RFX6: variants seen among roughly 807,000 people sequenced by gnomAD.
RFX6 encodes DNA-binding protein RFX6.
Under a neutral mutation model 110.8 loss-of-function variants are expected in RFX6, and 50 were observed. The ratio of observed to expected loss-of-function variants is 0.45; its 90% CI spans 0.36 to 0.57. The LOEUF (loss-of-function observed/expected upper bound fraction) is 0.57. Ranked by LOEUF, RFX6 falls within the 20% of genes least tolerant of loss-of-function variation. RFX6 has a pLI of 0.00. For missense variants in RFX6, 990 were observed against 1,127.0 expected, an observed-to-expected ratio of 0.88 and a Z score of 1.74; for synonymous variants, 383 against 411.2, an observed-to-expected ratio of 0.93 and a Z score of 0.83.
intron 6 of RFX6, among the ~76,000 whole-genome samples, chr6:116,904,382 CTT>C (rs1775149031): frequency 6.6e-6 from 1 of 151,716 alleles, no homozygotes; most frequent in Non-Finnish European, 1.5e-5. Context: ...CTTTTTATAT[CTT>C]GTTTTTTAAA....
chr6:116,911,799 C>T (rs753104882), intron 7 of RFX6, among the ~76,000 whole-genome samples: 2 of 152,022 alleles, frequency 1.3e-5, no homozygotes, highest in African/African-American at 2.4e-5. Flanking sequence ...TGAGTTAGTT[C>T]GTATTTCTGA....
intron 15 of RFX6, 22 bp from the exon 16 acceptor site, chr6:116,925,431 C>G: frequency 6.3e-7 from 1 of 1,598,430 alleles, no homozygotes; most frequent in East Asian, 2.2e-5. Flanking sequence ...CTCAAATTTC[C>G]CATTTTAAAA....
chr6:116,922,018 C>CTTTTTTTTTTTTTTTTTTTTT, intron 12 of RFX6, 24 bp from the exon 13 acceptor site: 2 of 883,484 alleles, frequency 2.3e-6, no homozygotes, highest in Non-Finnish European at 3.6e-6. Context: ...TCTTTTCTTT[C>CTTTTTTTTTTTTTTTTTTTTT]TTTTTTTTTT....
In RFX6 at chr6:116,931,434, C is replaced by A; in HGVS notation, c.2715C>A (p.Ser905Arg). 1 of 1,612,804 alleles carries A rather than the reference C, an allele frequency of 6.2e-7. No individual in the cohort carries two copies. The change falls in exon 19 of 19, where the codon AGC (serine) becomes AGA (arginine). Residue 905 changes from serine to arginine, a missense_variant. Physicochemically the swap from Ser to Arg is moderately radical, Grantham distance 110. Transcript: ENST00000332958. ...AQETLDSHGT[S>R]SREMVSSLPP... ...AAACCCTGGACTCCCATGGAACAAGCAGTAGAGAAATGGTGTCCTCTTTAC... is the reference window on the plus strand; with the variant it reads ...AAACCCTGGACTCCCATGGAACAAGAAGTAGAGAAATGGTGTCCTCTTTAC...
In RFX6 at chr6:116,927,048, T is replaced by G. The variant is rs747463623; in HGVS notation, c.1907T>G (p.Ile636Ser). 1.2e-6 allele frequency: 2 copies of G among 1,614,106 alleles called. No homozygotes were observed. Among genetic ancestry groups the G allele is most frequent in the Non-Finnish European group, 1.7e-6 (2 of 1,179,966 alleles). The change falls in exon 17 of 19, where the codon ATT (isoleucine) becomes AGT (serine). Residue 636 changes from isoleucine to serine, a missense_variant. Physicochemically the swap from Ile to Ser is moderately radical, Grantham distance 142 (BLOSUM62 -2). Transcript: ENST00000332958. The part of the protein sequence containing the change: ...PLTGQMELSQ[I>S]AGHLMTPPIS... The stretch of plus-strand genomic sequence containing the variant: ...CCAGGTCAAATGGAGCTTTCACAGA[T>G]TGCTGGTCATCTGATGACACCACCC...
In RFX6 at chr6:116,928,859, C is replaced by T. The variant is rs1385107576; in HGVS notation, c.2499C>T (p.Pro833=). The change falls in exon 18 of 19, where the codon CCC becomes CCT. Residue 833 remains proline (P), a synonymous_variant. Transcript: ENST00000332958. ...TCAGCAGCATTCGTTCACTGCCCCC[C>T]TACAGTGACATCCACGATCCACTTA... The part of the protein sequence containing the change: ...SVISSIRSLP[P]YSDIHDPLNI... 1 of 1,612,660 alleles carries T rather than the reference C, an allele frequency of 6.2e-7. No homozygotes were observed. Among genetic ancestry groups the T allele is most frequent in the Non-Finnish European group, 8.5e-7 (1 of 1,178,644 alleles).
chr6:116,928,640 C>T, intron 17 of RFX6, 119 bp from the exon 18 acceptor site: 1 of 738,556 alleles, frequency 1.4e-6, no homozygotes, highest in Non-Finnish European at 2.5e-6. Flanking sequence ...TATAGATACA[C>T]ATGTAATACT....
chr6:116,926,269 G>A (rs908154053), intron 16 of RFX6, among the ~76,000 whole-genome samples: 2 of 152,152 alleles, frequency 1.3e-5, no homozygotes, highest in African/African-American at 4.8e-5. Context: ...GCTGGGTGAC[G>A]AGAGTGAAGC....
At chr6:116,897,229 A>G (rs1774967330) in intron 6 of RFX6, among the ~76,000 whole-genome samples, 1 of 152,192 alleles carries the variant, frequency 6.6e-6, no homozygotes. Flanking sequence ...AGGGTTTCTC[A>G]GCCTCCATAC....
intron 6 of RFX6, among the ~76,000 whole-genome samples, chr6:116,899,361 A>T (rs913497469): frequency 1.3e-5 from 2 of 152,192 alleles, no homozygotes; most frequent in Non-Finnish European, 2.9e-5. Flanking sequence ...ATCTAGAAGA[A>T]TATACAGGAA....
chr6:116,927,516 C>T lies in RFX6; in HGVS notation c.2375C>T (p.Thr792Ile). 6.2e-6 allele frequency: 10 copies of T among 1,613,798 alleles called. No individual in the cohort carries two copies. The highest frequency in any genetic ancestry group is 2.2e-5 in the South Asian group (2 of 91,092). ...NTGAASCQGA[T>I]LPPNSPNGYY... ...GGAGCTGCCAGCTGCCAAGGAGCAA[C>T]ACTGCCTCCTAATTCACCAAATGGT... Residue 792 changes from threonine to isoleucine, a missense_variant, in exon 17 of 19, where the codon ACA becomes ATA. By Grantham distance (89) the Thr-to-Ile change is moderately conservative. Around this residue, in one of 5 missense-constraint regions of RFX6, gnomAD observed 438 missense variants for 441.9 expected, o/e 0.99. Transcript: ENST00000332958.
Position 116,919,305 on chromosome 6 carries a change from G to C in RFX6, c.1182+9G>C, listed in dbSNP as rs1189973026. 6 of 1,611,988 alleles carry C rather than the reference G, an allele frequency of 3.7e-6. No individual in the cohort carries two copies. The Admixed American group carries it at 6.7e-5, about 18-fold the overall frequency. The stretch of plus-strand genomic sequence containing the variant: ...TCTTACATCTTGCCCAGGTATGTTG[G>C]TTGCTAAGTCGAGAGCATTTGAGTC... On this transcript the variant is annotated intron_variant, in intron 11 of 18. Coordinates refer to ENST00000332958, the MANE Select transcript of RFX6 (RefSeq NM_173560.4).
At chr6:116,914,488 C>T (rs1008354397) in intron 7 of RFX6, among the ~76,000 whole-genome samples, 17 of 152,188 alleles carry the variant, frequency 1.1e-4, no homozygotes, top group African/African-American at 3.4e-4. Context: ...TTCCATCTTT[C>T]GTGTGTTACT....
chr6:116,910,939 G>C lies in RFX6; in HGVS notation c.677G>C (p.Gly226Ala). 2 of 1,609,684 alleles carry C rather than the reference G, an allele frequency of 1.2e-6. No homozygotes were observed. Among genetic ancestry groups the C allele is most frequent in the Non-Finnish European group, 1.7e-6 (2 of 1,176,084 alleles). ...TTTCATTTTTCTAAATTATAGGGTGGCTTCACTCGTAAATATTCGCTTAGC... is the reference window on the plus strand; with the variant it reads ...TTTCATTTTTCTAAATTATAGGGTGCCTTCACTCGTAAATATTCGCTTAGC... ...FSGSKLKNEG[G>A]FTRKYSLSSK... is the part of the protein sequence containing the mutation. The change falls in exon 7 of 19, where the codon GGC becomes GCC. Residue 226 changes from glycine to alanine, a missense_variant. This residue lies in a region of RFX6 where 243 missense variants were observed against 353.1 expected (regional missense o/e 0.69). Transcript: ENST00000332958.
intron 7 of RFX6, among the ~76,000 whole-genome samples, chr6:116,911,693 C>T (rs1775355937): frequency 6.6e-6 from 1 of 152,084 alleles, no homozygotes; most frequent in Non-Finnish European, 1.5e-5. Context: ...GTAGCAGAGA[C>T]CATTATTAAA....
chr6:116,894,532 A>T (rs1384528107), intron 5 of RFX6, among the ~76,000 whole-genome samples: 1 of 152,108 alleles, frequency 6.6e-6, no homozygotes, highest in Non-Finnish European at 1.5e-5. Flanking sequence ...TGAGGGTGAA[A>T]TTACTGACCT....
chr6:116,903,795 C>G (rs1201131982), intron 6 of RFX6, among the ~76,000 whole-genome samples: 1 of 151,954 alleles, frequency 6.6e-6, no homozygotes, highest in Non-Finnish European at 1.5e-5. Flanking sequence ...ATTTGTACTG[C>G]TGTATAATAT....
chr6:116,922,182 G>C, intron 13 of RFX6, 31 bp downstream of exon 13: 2 of 1,038,190 alleles, frequency 1.9e-6, no homozygotes, highest in Non-Finnish European at 3.1e-6. Flanking sequence ...CAGAAAATAA[G>C]TTCCTTGTAA....
chr6:116,883,748 G>A (rs1774642305), intron 4 of RFX6, among the ~76,000 whole-genome samples: 1 of 152,002 alleles, frequency 6.6e-6, no homozygotes, highest in African/African-American at 2.4e-5. Flanking sequence ...TTAGACACTT[G>A]CAAAAACATA....
Sources: allele counts gnomAD v4.1 joint callset (sites outside exome capture counted in the v4.1 genomes callset), GRCh38; gene constraint gnomAD v4.1.1; regional missense constraint gnomAD v4.1.1; transcripts MANE v1.5; gene names NCBI Gene and HGNC (gene_info 2026-07-23, HGNC 2026-07-21).